Variants in INSL6 observed in about 807,000 individuals in gnomAD.
The protein encoded by INSL6 is insulin-like peptide INSL6.
INSL6 carries 16 observed loss-of-function variants against 9.4 expected under a neutral mutation model. That is an observed-to-expected ratio of 1.70 (90% CI 1.15 to 2.59). The LOEUF (loss-of-function observed/expected upper bound fraction) is 2.59. Among genes scored for constraint, INSL6 ranks in the 30% most tolerant of loss-of-function variants. INSL6 has a pLI of 0.00. For synonymous variants in INSL6, 154 were observed against 96.9 expected (o/e 1.59, Z -3.46); for missense variants, 391 against 257.3 (o/e 1.52, Z -3.56).
At chr9:5,062,877 T>C in the INSL6 span, among the ~76,000 whole-genome samples, 17 of 152,204 alleles carry the variant, frequency 1.1e-4, no homozygotes, top group African/African-American at 3.6e-4. Flanking sequence ...CTTCTGTGGA[T>C]TGCCTTTTCA....
the INSL6 span, chr9:5,113,890 C>G: frequency 1.8e-5 from 4 of 218,032 alleles, no homozygotes; most frequent in South Asian, 2.6e-4. Context: ...GAAGATCTTA[C>G]AGTCCTCCTG....
chr9:5,013,633 G>A, the INSL6 span, among the ~76,000 whole-genome samples: 4 of 152,060 alleles, frequency 2.6e-5, no homozygotes, highest in Admixed American at 2.0e-4. Flanking sequence ...TGCCAATAAT[G>A]CCCTGTTTTT....
At chr9:5,044,110 CTA>C in the INSL6 span, among the ~76,000 whole-genome samples, 2 of 152,186 alleles carry the variant, frequency 1.3e-5, no homozygotes, top group South Asian at 2.1e-4. Context: ...CTGGATTAAG[CTA>C]TGTTTTTAAC....
the INSL6 span, chr9:5,097,820 T>G: frequency 6.6e-6 from 1 of 152,222 alleles, no homozygotes; most frequent in Non-Finnish European, 1.5e-5. Context: ...GGAGCGGTGT[T>G]CGCCATCATA....
the INSL6 span, among the ~76,000 whole-genome samples, chr9:5,028,880 T>G: frequency 3.9e-5 from 6 of 152,230 alleles, no homozygotes; most frequent in Non-Finnish European, 8.8e-5. Flanking sequence ...TGTGGCTGGT[T>G]TGATCTTCTA....
chr9:5,130,535 A>C (rs1256945242), intron 3 of INSL6, among the ~76,000 whole-genome samples: 1 of 152,170 alleles, frequency 6.6e-6, no homozygotes, highest in Non-Finnish European at 1.5e-5. Context: ...AAATGGAAAA[A>C]TCTGTTACCA....
chr9:5,013,521 C>G, the INSL6 span, among the ~76,000 whole-genome samples: 4 of 152,222 alleles, frequency 2.6e-5, no homozygotes, highest in African/African-American at 9.6e-5. Context: ...TTGAGAAGCA[C>G]TGACCTATCT....
intron 2 of INSL6, among the ~76,000 whole-genome samples, chr9:5,149,159 G>GGGGTC (rs1274291413): frequency 6.6e-6 from 1 of 152,226 alleles, no homozygotes; most frequent in East Asian, 1.9e-4. Flanking sequence ...GTGGGAGTGT[G>GGGGTC]GGGTCCCCTG....
chr9:5,103,707 A>G, the INSL6 span, among the ~76,000 whole-genome samples: 1 of 152,222 alleles, frequency 6.6e-6, no homozygotes, highest in East Asian at 1.9e-4. Flanking sequence ...CAGATATCAC[A>G]ACAAACTGGC....
chr9:5,037,503 T>C, the INSL6 span, among the ~76,000 whole-genome samples: 1 of 152,192 alleles, frequency 6.6e-6, no homozygotes, highest in Non-Finnish European at 1.5e-5. Context: ...GTGGCACATA[T>C]ACACCATGGA....
chr9:5,138,861 C>A (rs1287227218), intron 2 of INSL6, among the ~76,000 whole-genome samples: 1 of 151,926 alleles, frequency 6.6e-6, no homozygotes, highest in East Asian at 1.9e-4. Context: ...AATTGAAATA[C>A]ATCCCCAAGT....
the INSL6 span, among the ~76,000 whole-genome samples, chr9:5,044,821 T>C: frequency 6.6e-6 from 1 of 152,224 alleles, no homozygotes; most frequent in East Asian, 1.9e-4. Context: ...ACAACATGAT[T>C]CATGTAGACA....
the INSL6 span, among the ~76,000 whole-genome samples, chr9:5,037,305 C>A: frequency 6.6e-6 from 1 of 152,112 alleles, no homozygotes; most frequent in Non-Finnish European, 1.5e-5. Context: ...GTGGCGATTC[C>A]TCAGGGATCT....
intron 1 of INSL6, among the ~76,000 whole-genome samples, chr9:5,179,324 G>A (rs1825391135): frequency 6.6e-6 from 1 of 152,180 alleles, no homozygotes; most frequent in African/African-American, 2.4e-5. Flanking sequence ...TCTCATGCCA[G>A]TCAGAATGGC....
the INSL6 span, among the ~76,000 whole-genome samples, chr9:5,093,008 C>T: frequency 6.6e-6 from 1 of 152,114 alleles, no homozygotes; most frequent in Non-Finnish European, 1.5e-5. Context: ...GCTCAACATC[C>T]AAGTATCTTA....
At chr9:5,080,163 T>G in the INSL6 span, 5 of 1,226,854 alleles carry the variant, frequency 4.1e-6, no homozygotes, top group Non-Finnish European at 5.7e-6. Context: ...TTTAAAGCTA[T>G]TTACATATAA....
the INSL6 span, among the ~76,000 whole-genome samples, chr9:5,093,166 A>T: frequency 4.6e-5 from 7 of 152,230 alleles, no homozygotes; most frequent in African/African-American, 1.7e-4. Context: ...CTGACAGTTA[A>T]CAGCTAGATA....
intron 2 of INSL6, among the ~76,000 whole-genome samples, chr9:5,148,469 C>T (rs556377794): frequency 2.3e-4 from 35 of 152,276 alleles, no homozygotes; most frequent in Admixed American, 4.6e-4. Flanking sequence ...TCTCTGATCA[C>T]TGGCACTGTG....
At chr9:5,176,078 C>A (rs1016923407) in intron 1 of INSL6, among the ~76,000 whole-genome samples, 1 of 152,066 alleles carries the variant, frequency 6.6e-6, no homozygotes, top group African/African-American at 2.4e-5. Flanking sequence ...CTGCCTATTA[C>A]CTCTCCTACC....
Sources: gnomAD v4.1 joint callset for allele counts (sites outside exome capture counted in the v4.1 genomes callset) on GRCh38, gnomAD v4.1.1 for gene constraint, MANE v1.5 for transcripts, NCBI Gene and HGNC (gene_info 2026-07-23, HGNC 2026-07-21) for gene names.